Variants in SNX13 observed in about 807,000 individuals in gnomAD.
SNX13 encodes the protein sorting nexin 13, also known as sorting nexin-13.
SNX13 carries 45 observed loss-of-function variants against 133.6 expected under a neutral mutation model. The ratio of observed to expected loss-of-function variants is 0.34; its 90% CI spans 0.27 to 0.43. SNX13 has a LOEUF of 0.43. Among genes scored for constraint, SNX13 ranks in the 20% least tolerant of loss-of-function variants. SNX13 has a pLI of 1.00. For missense variants in SNX13, 1,032 were observed against 1,145.1 expected, an observed-to-expected ratio of 0.90 and a Z score of 1.43; for synonymous variants, 414 against 373.9, an observed-to-expected ratio of 1.11 and a Z score of -1.24.
intron 5 of SNX13, among the ~76,000 whole-genome samples, chr7:17,878,275 G>A (rs562834975): frequency 1.3e-5 from 2 of 152,046 alleles, no homozygotes; most frequent in South Asian, 2.1e-4. Flanking sequence ...TCTTATTACC[G>A]ACACTTGAGC....
chr7:17,924,253 C>T (rs1321029915), intron 1 of SNX13, among the ~76,000 whole-genome samples: 2 of 152,024 alleles, frequency 1.3e-5, no homozygotes, highest in African/African-American at 2.4e-5. Flanking sequence ...GACTTCTACT[C>T]GAAATATACA....
chr7:17,876,197 C>A (rs889441727), intron 5 of SNX13, among the ~76,000 whole-genome samples: 1 of 152,164 alleles, frequency 6.6e-6, no homozygotes, highest in African/African-American at 2.4e-5. Flanking sequence ...TTCTTGGTTT[C>A]TTCTGAACTC....
chr7:17,898,504 G>A (rs1797464016), intron 1 of SNX13, among the ~76,000 whole-genome samples: 2 of 152,184 alleles, frequency 1.3e-5, no homozygotes, highest in African/African-American at 4.8e-5. Flanking sequence ...GCTCAAGGTA[G>A]TGGGGATACC....
chr7:17,933,255 T>G (rs1801608157), intron 1 of SNX13, among the ~76,000 whole-genome samples: 1 of 152,158 alleles, frequency 6.6e-6, no homozygotes, highest in African/African-American at 2.4e-5. Flanking sequence ...GAACTTTGCT[T>G]TAAGGCGGCC....
At chr7:17,863,795 T>C (rs1793035877) in intron 9 of SNX13, among the ~76,000 whole-genome samples, 3 of 152,226 alleles carry the variant, frequency 2.0e-5, no homozygotes, top group Non-Finnish European at 4.4e-5. Flanking sequence ...TGTCACTGTT[T>C]CCCCAACTCT....
chr7:17,855,944 T>TA (rs1406341473), intron 9 of SNX13, among the ~76,000 whole-genome samples: 1 of 152,236 alleles, frequency 6.6e-6, no homozygotes, highest in African/African-American at 2.4e-5. Context: ...AAATGACTCA[T>TA]TATTCTAGAT....
chr7:17,825,101 G>T (rs1787743977), intron 17 of SNX13, among the ~76,000 whole-genome samples: 1 of 152,106 alleles, frequency 6.6e-6, no homozygotes. Context: ...CTAGCACAGT[G>T]CTTCCATACA....
intron 5 of SNX13, among the ~76,000 whole-genome samples, chr7:17,886,867 T>C (rs1451494198): frequency 1.3e-5 from 2 of 152,020 alleles, no homozygotes; most frequent in Non-Finnish European, 2.9e-5. Flanking sequence ...TGTGGTTCAC[T>C]CTATCGCTAC....
chr7:17,816,880 C>G (rs1262633595), intron 18 of SNX13, among the ~76,000 whole-genome samples: 2 of 152,042 alleles, frequency 1.3e-5, no homozygotes, highest in Non-Finnish European at 2.9e-5. Flanking sequence ...TTAATATTCT[C>G]CCTAATATTG....
At chr7:17,864,648 G>A (rs1793142384) in intron 9 of SNX13, among the ~76,000 whole-genome samples, 1 of 151,942 alleles carries the variant, frequency 6.6e-6, no homozygotes, top group African/African-American at 2.4e-5. Context: ...GAATATCCAG[G>A]TACAAGAAGG....
intron 5 of SNX13, chr7:17,888,841 G>C: frequency 4.9e-6 from 2 of 410,034 alleles, no homozygotes; most frequent in Non-Finnish European, 9.9e-6. Flanking sequence ...TTACATATGA[G>C]AAAAACCAAG....
intron 16 of SNX13, among the ~76,000 whole-genome samples, chr7:17,828,136 A>G (rs776500963): frequency 1.3e-5 from 2 of 151,762 alleles, no homozygotes; most frequent in Non-Finnish European, 3.0e-5. Flanking sequence ...TGCAATTAGT[A>G]AATATTATTT....
chr7:17,859,083 CA>C (rs1384226427), intron 9 of SNX13, among the ~76,000 whole-genome samples: 1 of 151,910 alleles, frequency 6.6e-6, no homozygotes, highest in Admixed American at 6.5e-5. Context: ...CTGTGGAACC[CA>C]AATTGGGAAA....
chr7:17,906,356 A>G (rs1045156648), intron 1 of SNX13, among the ~76,000 whole-genome samples: 1 of 152,162 alleles, frequency 6.6e-6, no homozygotes, highest in Non-Finnish European at 1.5e-5. Context: ...ATCATCCCTA[A>G]CATTAGTATA....
At chr7:17,875,608 A>G in intron 6 of SNX13, 27 bp from the exon 7 acceptor site, 1 of 1,609,232 alleles carries the variant, frequency 6.2e-7, no homozygotes, top group Non-Finnish European at 8.5e-7. Context: ...CAAGATATAT[A>G]AAATGATGAA....
intron 5 of SNX13, among the ~76,000 whole-genome samples, chr7:17,876,907 T>C (rs1231963452): frequency 2.0e-5 from 3 of 151,382 alleles, no homozygotes; most frequent in South Asian, 2.1e-4. Context: ...ACCAAGTAGA[T>C]AGAAAACGAA....
At position 17,868,599 on chromosome 7, in the gene SNX13, T is replaced by C. The variant is rs141051444; in HGVS notation, c.754-109A>G. 8 of 769,012 alleles carry C rather than the reference T, an allele frequency of 1.0e-5. No homozygotes were observed. The African/African-American group carries it at 1.1e-4, about 10-fold the overall frequency. 47.6% of individuals were successfully genotyped at this position (769,012 alleles called of 1,614,324 possible). A position where few individuals can be genotyped will look rare whatever the true frequency, so the allele number is the denominator to read the frequency against. The stretch of plus-strand genomic sequence containing the variant: ...TTACTTAAGAAAAGTATGATATACA[T>C]GTAACTAGGACTTGATAAGCAACAC... On this transcript the variant is annotated intron_variant, in intron 8 of 25. Coordinates refer to ENST00000428135, the MANE Select transcript of SNX13 (RefSeq NM_015132.5).
intron 4 of SNX13, among the ~76,000 whole-genome samples, chr7:17,891,092 T>C (rs147346804): frequency 1.3e-5 from 2 of 152,128 alleles, no homozygotes; most frequent in African/African-American, 2.4e-5. Context: ...TACACATTTT[T>C]ATAATCATAT....
At chr7:17,801,890 TAGTC>T (rs892757801) in intron 21 of SNX13, among the ~76,000 whole-genome samples, 5 of 152,012 alleles carry the variant, frequency 3.3e-5, no homozygotes, top group Non-Finnish European at 7.4e-5. Context: ...AAATAAAAAT[TAGTC>T]AGTCAAACTC....
Sources: gnomAD v4.1 joint callset for allele counts (sites outside exome capture counted in the v4.1 genomes callset) on GRCh38, gnomAD v4.1.1 for gene constraint, MANE v1.5 for transcripts, NCBI Gene and HGNC (gene_info 2026-07-23, HGNC 2026-07-21) for gene names.